The following FGF6 variants were observed in gnomAD, a reference collection of about 807,000 sequenced individuals.
FGF6 encodes the protein fibroblast growth factor 6.
Under a neutral mutation model 18.4 loss-of-function variants are expected in FGF6, and 14 were observed. That is an observed-to-expected ratio of 0.76 (90% confidence interval 0.50 to 1.19). The LOEUF (loss-of-function observed/expected upper bound fraction) is 1.19. Ranked by LOEUF, FGF6 falls within the 50% of genes most tolerant of loss-of-function variation. The probability of loss-of-function intolerance (pLI) is 0.00; values close to 1 mark genes in which losing one functional copy is unlikely to be tolerated. For missense variants in FGF6, 266 were observed against 271.6 expected (o/e 0.98, Z 0.15); for synonymous variants, 125 against 116.7 (o/e 1.07, Z -0.46).
chr12:4,441,149 G>A (rs560926424), intron 2 of FGF6, among the ~76,000 whole-genome samples: 10 of 152,320 alleles, frequency 6.6e-5, no homozygotes, highest in East Asian at 3.9e-4. Context: ...CCACTGTCAG[G>A]TGGAGATCCT....
intron 1 of FGF6, among the ~76,000 whole-genome samples, chr12:4,444,979 G>A (rs1254772179): frequency 6.6e-6 from 1 of 152,222 alleles, no homozygotes; most frequent in East Asian, 1.9e-4. Context: ...AGATGGGCCA[G>A]TAATGCTGAA....
chr12:4,435,042 G>A (rs550018944), intron 2 of FGF6, among the ~76,000 whole-genome samples: 1 of 151,964 alleles, frequency 6.6e-6, no homozygotes, highest in Admixed American at 6.6e-5. Context: ...TCCTCAGTCT[G>A]TCTTTCCTGG....
intron 2 of FGF6, among the ~76,000 whole-genome samples, chr12:4,438,338 T>C (rs1456139541): frequency 2.0e-5 from 3 of 152,232 alleles, no homozygotes; most frequent in African/African-American, 4.8e-5. Flanking sequence ...TGGCAGCATC[T>C]ACCAGAATAA....
intron 1 of FGF6, among the ~76,000 whole-genome samples, chr12:4,444,453 C>T (rs963076182): frequency 1.3e-5 from 2 of 152,204 alleles, no homozygotes; most frequent in Admixed American, 1.3e-4. Context: ...AGGGAAGGTT[C>T]TGATAGCAGA....
At chr12:4,444,793 A>G (rs1019191893) in intron 1 of FGF6, among the ~76,000 whole-genome samples, 1 of 152,222 alleles carries the variant, frequency 6.6e-6, no homozygotes, top group African/African-American at 2.4e-5. Context: ...TGAAATAAAA[A>G]GAAGGATGTG....
chr12:4,434,511 C>T (rs1865606342), intron 2 of FGF6, 120 bp from the exon 3 acceptor site: 2 of 893,930 alleles, frequency 2.2e-6, no homozygotes, highest in Non-Finnish European at 3.6e-6. Flanking sequence ...CTTTGTGAGA[C>T]AACCACCGTG....
chr12:4,439,888 C>T (rs189379748), intron 2 of FGF6, among the ~76,000 whole-genome samples: 8 of 152,338 alleles, frequency 5.3e-5, no homozygotes, highest in Non-Finnish European at 8.8e-5. Context: ...GTTTGGAAGG[C>T]CAGGAGGCCT....
rs187027939 is a variant in FGF6, at chr12:4,438,057, A to G, written c.451-3666T>C. Among the ~76,000 whole-genome samples, 4 of 152,342 alleles carry G rather than the reference A, an allele frequency of 2.6e-5. No homozygotes were observed. The East Asian group carries it at 5.8e-4, about 22-fold the overall frequency. Reference sequence around the variant, plus strand: ...ATGTCAAAGAATACATTTTGTTACTATATTCAGAACCCTAAACTCACTGGA... The same window carrying G: ...ATGTCAAAGAATACATTTTGTTACTGTATTCAGAACCCTAAACTCACTGGA... On this transcript the variant is annotated intron_variant, in intron 2 of 2. Transcript: ENST00000228837.
intron 2 of FGF6, among the ~76,000 whole-genome samples, chr12:4,443,814 C>A (rs1488001210): frequency 6.6e-6 from 1 of 152,236 alleles, no homozygotes; most frequent in Non-Finnish European, 1.5e-5. Flanking sequence ...CAGGGAATCA[C>A]ACCTGCTCAC....
At chr12:4,438,751 CAAAAAAAAAAAA>C (rs386375443) in intron 2 of FGF6, among the ~76,000 whole-genome samples, 6 of 39,730 alleles carry the variant, frequency 1.5e-4, no homozygotes, top group South Asian at 1.7e-3. Flanking sequence ...GACTCTATCT[CAAAAAAAAAAAA>C]AAAAAAAAAA....
Position 4,434,265 on chromosome 12 carries a change from T to G in FGF6, c.577A>C (p.Ser193Arg). ...ACAGTCATGATCGGGGACACCTTGC[T>G]GCCCCGCTTTACCCGTCCGTATTTG... ...LSKYGRVKRG[S>R]KVSPIMTVTH... is the part of the protein sequence containing the mutation. The change falls in exon 3 of 3, where the codon AGC (serine) becomes CGC (arginine). Residue 193 changes from serine (S) to arginine (R), a missense_variant. Transcript: ENST00000228837. 1.2e-6 allele frequency: 2 copies of G among 1,614,222 alleles called. No homozygotes were observed. Among genetic ancestry groups the G allele is most frequent in the Non-Finnish European group, 1.7e-6 (2 of 1,180,032 alleles).
At chr12:4,435,908 C>T (rs997608767) in intron 2 of FGF6, among the ~76,000 whole-genome samples, 2 of 151,944 alleles carry the variant, frequency 1.3e-5, no homozygotes, top group Admixed American at 6.6e-5. Flanking sequence ...GCAGCTGGGT[C>T]GGGGCTAGAA....
chr12:4,436,697 G>A (rs1272920976), intron 2 of FGF6, among the ~76,000 whole-genome samples: 2 of 152,210 alleles, frequency 1.3e-5, no homozygotes, highest in Admixed American at 1.3e-4. Context: ...AATGTGATGT[G>A]AGCGTGGGTG....
intron 2 of FGF6, among the ~76,000 whole-genome samples, chr12:4,442,157 C>T (rs1401905447): frequency 6.6e-6 from 1 of 151,968 alleles, no homozygotes; most frequent in Non-Finnish European, 1.5e-5. Flanking sequence ...TTAGTAAGCC[C>T]AGCAGTTCAT....
intron 2 of FGF6, among the ~76,000 whole-genome samples, chr12:4,437,388 A>G (rs532608889): frequency 9.8e-4 from 150 of 152,296 alleles, no homozygotes; most frequent in African/African-American, 3.3e-3. Context: ...GGGAGACAGT[A>G]AGCTTGCATG....
At chr12:4,436,605 A>T (rs1437464385) in intron 2 of FGF6, among the ~76,000 whole-genome samples, 1 of 152,172 alleles carries the variant, frequency 6.6e-6, no homozygotes. Flanking sequence ...TGACAGAGTG[A>T]GGCCCTGTCT....
chr12:4,436,958 T>G (rs576179538), intron 2 of FGF6, among the ~76,000 whole-genome samples: 11 of 152,326 alleles, frequency 7.2e-5, no homozygotes, highest in Admixed American at 6.5e-4. Context: ...AATGAAGGGA[T>G]GTCTTAAAGG....
At chr12:4,442,176 C>T (rs1467745854) in intron 2 of FGF6, among the ~76,000 whole-genome samples, 1 of 152,024 alleles carries the variant, frequency 6.6e-6, no homozygotes. Flanking sequence ...ATCAACCTGC[C>T]TAACCCCCTT....
At chr12:4,442,226 TG>T (rs971308321) in intron 2 of FGF6, among the ~76,000 whole-genome samples, 2 of 150,534 alleles carry the variant, frequency 1.3e-5, no homozygotes, top group African/African-American at 4.9e-5. Flanking sequence ...GAGTGAGGGC[TG>T]GGGGTGGGGT....
Sources: allele counts gnomAD v4.1 joint callset (sites outside exome capture counted in the v4.1 genomes callset), GRCh38; gene constraint gnomAD v4.1.1; transcripts MANE v1.5; gene names NCBI Gene and HGNC (gene_info 2026-07-23, HGNC 2026-07-21).